The following NPAS2 variants were observed in gnomAD, a reference collection of about 807,000 sequenced individuals.
NPAS2 encodes neuronal PAS domain-containing protein 2.
Under a neutral mutation model 107.5 loss-of-function variants are expected in NPAS2, and 23 were observed. The observed-to-expected ratio is 0.21, with a 90% CI of 0.15 to 0.30. The LOEUF (loss-of-function observed/expected upper bound fraction) is 0.30, where lower values mean the gene tolerates loss of function less well. Ranked by LOEUF, NPAS2 falls within the 10% of genes least tolerant of loss-of-function variation. The pLI is 1.00. For missense variants in NPAS2, 756 were observed against 1,043.3 expected, an observed-to-expected ratio of 0.72 and a Z score of 3.79; for synonymous variants, 403 against 417.5, an observed-to-expected ratio of 0.97 and a Z score of 0.42.
intron 1 of NPAS2, among the ~76,000 whole-genome samples, chr2:100,850,837 C>T (rs997303491): frequency 1.3e-5 from 2 of 150,952 alleles, no homozygotes; most frequent in Non-Finnish European, 2.9e-5. Flanking sequence ...CCTGTAATCC[C>T]AGCTACTCAG....
intron 1 of NPAS2, among the ~76,000 whole-genome samples, chr2:100,888,700 C>T (rs1680862966): frequency 6.6e-6 from 1 of 152,164 alleles, no homozygotes; most frequent in Non-Finnish European, 1.5e-5. Context: ...AACCACTAGC[C>T]AGAGCTTCAT....
intron 1 of NPAS2, among the ~76,000 whole-genome samples, chr2:100,836,676 G>A (rs571997832): frequency 7.2e-5 from 11 of 152,232 alleles, no homozygotes; most frequent in South Asian, 4.1e-4. Flanking sequence ...TCTTTCTTCC[G>A]TACGCACGGA....
chr2:100,838,718 AG>A (rs1201569497), intron 1 of NPAS2, among the ~76,000 whole-genome samples: 1 of 152,184 alleles, frequency 6.6e-6, no homozygotes, highest in Non-Finnish European at 1.5e-5. Flanking sequence ...TGAGATAACA[AG>A]GCCTGCCTTC....
At chr2:100,986,744 G>C (rs1000749563) in intron 16 of NPAS2, 7 of 152,134 alleles carry the variant, frequency 4.6e-5, no homozygotes, top group Admixed American at 6.5e-5. Context: ...TCTAAAAAGA[G>C]CAATGCTCTA....
intron 12 of NPAS2, among the ~76,000 whole-genome samples, chr2:100,973,502 C>G (rs1676742716): frequency 6.6e-6 from 1 of 152,216 alleles, no homozygotes; most frequent in South Asian, 2.1e-4. Context: ...TGTAACCAAG[C>G]AGCAAGGTCC....
chr2:100,827,050 A>T (rs2104337441), intron 1 of NPAS2, among the ~76,000 whole-genome samples: 1 of 152,320 alleles, frequency 6.6e-6, no homozygotes, highest in Non-Finnish European at 1.5e-5. Flanking sequence ...ACGCAAAGGG[A>T]AATATTTGAA....
intron 19 of NPAS2, among the ~76,000 whole-genome samples, chr2:100,992,978 G>A (rs1678224216): frequency 6.6e-6 from 1 of 151,682 alleles, no homozygotes; most frequent in Non-Finnish European, 1.5e-5. Flanking sequence ...CGCCCAGGCT[G>A]GAGTGCAGTG....
intron 1 of NPAS2, among the ~76,000 whole-genome samples, chr2:100,850,499 TCAAGGTATC>T (rs377081618): frequency 7.2e-5 from 11 of 152,302 alleles, no homozygotes; most frequent in African/African-American, 2.4e-4. Context: ...TCATTTTGTA[TCAAGGTATC>T]CAAAAAAATG....
At chr2:100,833,224 C>T (rs1558789522) in intron 1 of NPAS2, among the ~76,000 whole-genome samples, 1 of 152,206 alleles carries the variant, frequency 6.6e-6, no homozygotes, top group Admixed American at 6.5e-5. Context: ...GATATGGTCA[C>T]TGTGACCAAG....
chr2:100,883,904 T>TA (rs35126058), intron 1 of NPAS2, among the ~76,000 whole-genome samples: 48,071 of 151,916 alleles, frequency 0.32, 8,060 homozygotes, highest in South Asian at 0.45. Context: ...CCCTACTGGT[T>TA]AGGCCCCAGC....
At chr2:100,979,502 ATTTTTT>A (rs757799235) in intron 15 of NPAS2, among the ~76,000 whole-genome samples, 2 of 43,328 alleles carry the variant, frequency 4.6e-5, no homozygotes, top group South Asian at 8.5e-4. Context: ...ATATATATAT[ATTTTTT>A]TTTTTTTTTT....
intron 7 of NPAS2, among the ~76,000 whole-genome samples, chr2:100,959,818 T>C (rs1675816480): frequency 1.3e-5 from 2 of 152,254 alleles, no homozygotes; most frequent in African/African-American, 2.4e-5. Context: ...TAATTTATCA[T>C]AAGCAGGTCG....
At chr2:100,900,925 A>G (rs1258683100) in intron 1 of NPAS2, among the ~76,000 whole-genome samples, 1 of 149,046 alleles carries the variant, frequency 6.7e-6, no homozygotes, top group African/African-American at 2.5e-5. Context: ...ACAGTGCCTC[A>G]CTATATTCCC....
intron 1 of NPAS2, among the ~76,000 whole-genome samples, chr2:100,873,335 CACACACAT>C (rs1450089180): frequency 7.7e-5 from 10 of 129,058 alleles, no homozygotes; most frequent in Non-Finnish European, 1.3e-4. Context: ...CACACACACA[CACACACAT>C]ATATACATAC....
chr2:100,853,574 T>C (rs1187691564), intron 1 of NPAS2, among the ~76,000 whole-genome samples: 3 of 152,230 alleles, frequency 2.0e-5, no homozygotes, highest in Non-Finnish European at 4.4e-5. Context: ...CACTTGATTC[T>C]GAAAGGTCAG....
chr2:100,887,077 G>A (rs931060574), intron 1 of NPAS2, among the ~76,000 whole-genome samples: 22 of 152,152 alleles, frequency 1.4e-4, no homozygotes, highest in African/African-American at 4.8e-4. Context: ...TTGCTTCCTC[G>A]TTGGCCTGGG....
chr2:100,946,646 T>A (rs948354698), intron 5 of NPAS2, among the ~76,000 whole-genome samples: 2 of 152,172 alleles, frequency 1.3e-5, no homozygotes, highest in Non-Finnish European at 2.9e-5. Flanking sequence ...AAGGGACAGT[T>A]GTGACTTGAT....
chr2:100,870,801 G>C (rs1335444927), intron 1 of NPAS2, among the ~76,000 whole-genome samples: 3 of 152,208 alleles, frequency 2.0e-5, no homozygotes, highest in Non-Finnish European at 4.4e-5. Flanking sequence ...GTGAGGGGCT[G>C]TGCATGTACC....
intron 1 of NPAS2, among the ~76,000 whole-genome samples, chr2:100,891,744 A>T (rs535464885): frequency 6.6e-6 from 1 of 152,246 alleles, no homozygotes; most frequent in Non-Finnish European, 1.5e-5. Flanking sequence ...TAAACCCAAG[A>T]TTCCACAGTC....
Sources: gnomAD v4.1 joint callset for allele counts (sites outside exome capture counted in the v4.1 genomes callset) on GRCh38, gnomAD v4.1.1 for gene constraint, MANE v1.5 for transcripts, NCBI Gene and HGNC (gene_info 2026-07-23, HGNC 2026-07-21) for gene names.